Variants in MAN2A1 observed in about 807,000 individuals in gnomAD.
MAN2A1 encodes alpha-mannosidase 2.
A neutral mutation model predicts 142.6 loss-of-function variants in MAN2A1; 76 were observed. That is an observed-to-expected ratio of 0.53 (90% CI 0.44 to 0.65). The LOEUF (loss-of-function observed/expected upper bound fraction) is 0.65. Ranked by LOEUF, MAN2A1 falls within the 30% of genes least tolerant of loss-of-function variation. The probability of loss-of-function intolerance (pLI) is 0.00; values close to 1 mark genes in which losing one functional copy is unlikely to be tolerated. For synonymous variants in MAN2A1, 559 were observed against 473.2 expected (o/e 1.18, Z -2.35); for missense variants, 1,311 against 1,365.1 (o/e 0.96, Z 0.62).
chr5:109,760,742 T>G (rs1582869809), intron 5 of MAN2A1, among the ~76,000 whole-genome samples: 1 of 152,186 alleles, frequency 6.6e-6, no homozygotes, highest in East Asian at 1.9e-4. Context: ...ATGATGAGCT[T>G]TTTTTCACGT....
At chr5:109,717,919 A>G (rs1158793080) in intron 3 of MAN2A1, among the ~76,000 whole-genome samples, 1 of 152,228 alleles carries the variant, frequency 6.6e-6, no homozygotes, top group African/African-American at 2.4e-5. Context: ...TAGGGGATGC[A>G]TATGAAAAAC....
chr5:109,790,750 C>G (rs1021077541), intron 12 of MAN2A1, among the ~76,000 whole-genome samples: 1 of 151,856 alleles, frequency 6.6e-6, no homozygotes, highest in African/African-American at 2.4e-5. Context: ...ACTTTTCTTT[C>G]TTTTTATATT....
At chr5:109,698,681 T>C (rs3756598) in intron 1 of MAN2A1, among the ~76,000 whole-genome samples, 27,770 of 152,234 alleles carry the variant, frequency 0.18, 3,470 homozygotes, top group East Asian at 0.64. Flanking sequence ...GAGAAGACTC[T>C]AAATTTGACC....
intron 3 of MAN2A1, among the ~76,000 whole-genome samples, chr5:109,727,681 A>G (rs1323241114): frequency 6.6e-6 from 1 of 152,128 alleles, no homozygotes; most frequent in Non-Finnish European, 1.5e-5. Flanking sequence ...AATTGTACAG[A>G]TGTGGGAAAG....
intron 4 of MAN2A1, among the ~76,000 whole-genome samples, chr5:109,733,115 C>G (rs1365565687): frequency 1.3e-5 from 2 of 152,052 alleles, no homozygotes; most frequent in African/African-American, 4.8e-5. Flanking sequence ...ATTTTATTCT[C>G]TTTGAAGCAA....
At chr5:109,801,197 AG>A (rs1489633840) in intron 12 of MAN2A1, among the ~76,000 whole-genome samples, 2 of 152,184 alleles carry the variant, frequency 1.3e-5, no homozygotes, top group Admixed American at 1.3e-4. Context: ...TCAAAAGTCC[AG>A]GCTGCTTTTA....
intron 3 of MAN2A1, among the ~76,000 whole-genome samples, chr5:109,728,319 GA>G (rs1751802324): frequency 6.6e-6 from 1 of 152,078 alleles, no homozygotes; most frequent in African/African-American, 2.4e-5. Flanking sequence ...ATACAGATAA[GA>G]AACAGCCATT....
rs137940509 is a variant in MAN2A1, at chr5:109,717,002, T to C, written c.535+738T>C. On this transcript the variant is annotated intron_variant, in intron 3 of 21. Coordinates refer to ENST00000261483, the MANE Select transcript of MAN2A1 (RefSeq NM_002372.4). Reference sequence around the variant, plus strand: ...AAGTTGTTTCAATTATAATGGGACATAGGATTTGATATACATATTTGTTGG... The same window carrying C: ...AAGTTGTTTCAATTATAATGGGACACAGGATTTGATATACATATTTGTTGG... Among the ~76,000 whole-genome samples, 26 of 149,504 alleles carry C rather than the reference T, an allele frequency of 1.7e-4. 1 individual carries two copies. The East Asian group carries it at 4.4e-3, about 25-fold the overall frequency.
intron 12 of MAN2A1, among the ~76,000 whole-genome samples, chr5:109,802,433 G>C (rs1165397230): frequency 6.6e-6 from 1 of 152,100 alleles, no homozygotes; most frequent in African/African-American, 2.4e-5. Context: ...GATTTTTTCA[G>C]AGCTTTTTGG....
Position 109,820,250 on chromosome 5 carries a change from C to T in MAN2A1, c.2359C>T (p.His787Tyr). The T allele has an allele frequency of 6.2e-7, 1 of 1,609,490 alleles. No homozygotes were observed. The highest frequency in any genetic ancestry group is 8.5e-7 in the Non-Finnish European group (1 of 1,176,944). The change falls in exon 15 of 22, where the codon CAT becomes TAT. Residue 787 changes from histidine to tyrosine, a missense_variant. This residue lies in a region of MAN2A1 where 890 missense variants were observed against 920.5 expected (regional missense o/e 0.97). Transcript: ENST00000261483. ...QMMTKEDGKH[H>Y]EVNVQFSWYG... ...GATGACTAAAGAAGATGGTAAACACCATGAAGTAAATGTGCAATTTTCATG... is the reference window on the plus strand; with the variant it reads ...GATGACTAAAGAAGATGGTAAACACTATGAAGTAAATGTGCAATTTTCATG...
At chr5:109,800,459 A>C (rs1753991244) in intron 12 of MAN2A1, among the ~76,000 whole-genome samples, 1 of 152,234 alleles carries the variant, frequency 6.6e-6, no homozygotes. Flanking sequence ...TAGGAATTGC[A>C]CTAGAGGGAA....
At chr5:109,716,653 TTAAAA>T (rs1229342464) in intron 3 of MAN2A1, among the ~76,000 whole-genome samples, 3 of 152,218 alleles carry the variant, frequency 2.0e-5, no homozygotes, top group Non-Finnish European at 4.4e-5. Flanking sequence ...GTTTGAATCT[TTAAAA>T]TAAAGAAGCA....
At chr5:109,823,986 T>C in intron 16 of MAN2A1, 149 bp downstream of exon 16, 1 of 499,818 alleles carries the variant, frequency 2.0e-6, no homozygotes, top group Non-Finnish European at 3.5e-6. Context: ...AATATGAAAC[T>C]TACCCTTTGA....
Position 109,770,479 on chromosome 5 carries a change from C to A in MAN2A1, c.1134C>A (p.Gly378=). ...CQFDFKRLPG[G]RFGCPWGVPP... ...TTGATTTTAAACGTCTTCCTGGAGGCAGATTTGGTTGTCCCTGGGGAGTCC... is the reference window on the plus strand; with the variant it reads ...TTGATTTTAAACGTCTTCCTGGAGGAAGATTTGGTTGTCCCTGGGGAGTCC... The change falls in exon 7 of 22, where the codon GGC becomes GGA. Residue 378 remains glycine (G), a synonymous_variant. Coordinates refer to ENST00000261483, the MANE Select transcript of MAN2A1 (RefSeq NM_002372.4). 1 of 1,613,982 alleles carries A rather than the reference C, an allele frequency of 6.2e-7. No individual in the cohort carries two copies. Among genetic ancestry groups the A allele is most frequent in the Non-Finnish European group, 8.5e-7 (1 of 1,179,914 alleles).
At chr5:109,763,556 A>G (rs1752910301) in intron 5 of MAN2A1, among the ~76,000 whole-genome samples, 1 of 151,298 alleles carries the variant, frequency 6.6e-6, no homozygotes, top group Non-Finnish European at 1.5e-5. Context: ...TTTAGGGTAC[A>G]TGTGCACAAT....
chr5:109,842,644 A>G (rs1257427493), intron 17 of MAN2A1, among the ~76,000 whole-genome samples, 183 bp downstream of exon 17: 4 of 150,086 alleles, frequency 2.7e-5, no homozygotes, highest in Admixed American at 6.7e-5. Flanking sequence ...AATATTTGGG[A>G]GACCATTTTT....
In MAN2A1 at chr5:109,763,838, A is replaced by G. The variant is rs766324415; in HGVS notation, c.836-3697A>G. ...TTTTTTTGAGACGGAGTCTCACTCT[A>G]TCTCCCAGGCTGGAGCACACTGGCG... On this transcript the variant is annotated intron_variant, in intron 5 of 21. Transcript: ENST00000261483. 3.7e-4 allele frequency among the ~76,000 whole-genome samples: 55 copies of G among 149,066 alleles called. No individual in the cohort carries two copies. In the South Asian group the frequency reaches 4.2e-3, roughly 11 times the overall value.
intron 20 of MAN2A1, among the ~76,000 whole-genome samples, chr5:109,858,071 C>T (rs1012889592): frequency 2.6e-5 from 4 of 152,172 alleles, no homozygotes; most frequent in African/African-American, 7.2e-5. Flanking sequence ...AGGGTTTTAG[C>T]AGAGGGAATA....
intron 21 of MAN2A1, among the ~76,000 whole-genome samples, 154 bp from the exon 22 acceptor site, chr5:109,866,692 C>A (rs1755891961): frequency 6.6e-6 from 1 of 151,936 alleles, no homozygotes; most frequent in Non-Finnish European, 1.5e-5. Context: ...TATTTAATAA[C>A]ATATATGTAT....
Sources: allele counts gnomAD v4.1 joint callset (sites outside exome capture counted in the v4.1 genomes callset), GRCh38; gene constraint gnomAD v4.1.1; regional missense constraint gnomAD v4.1.1; transcripts MANE v1.5; gene names NCBI Gene and HGNC (gene_info 2026-07-23, HGNC 2026-07-21).